Variants in ASTN1 observed in about 807,000 individuals in gnomAD.
ASTN1 encodes the protein astrotactin-1.
A neutral mutation model predicts 140.7 loss-of-function variants in ASTN1; 41 were observed. The observed-to-expected ratio is 0.29, with a 90% CI of 0.23 to 0.38. The LOEUF is 0.38. Ranked by LOEUF, ASTN1 falls within the 10% of genes least tolerant of loss-of-function variation. ASTN1 has a pLI of 1.00. For synonymous variants in ASTN1, 640 were observed against 652.2 expected (o/e 0.98, Z 0.29); for missense variants, 1,479 against 1,678.8 (o/e 0.88, Z 2.08).
chr1:177,079,974 C>T (rs748179533), intron 1 of ASTN1, among the ~76,000 whole-genome samples: 4 of 152,002 alleles, frequency 2.6e-5, no homozygotes, highest in Non-Finnish European at 5.9e-5. Flanking sequence ...ATCACTCTGT[C>T]CAGTATATTT....
intron 1 of ASTN1, among the ~76,000 whole-genome samples, chr1:177,157,502 A>G (rs1206211117): frequency 1.3e-5 from 2 of 152,046 alleles, no homozygotes; most frequent in African/African-American, 2.4e-5. Context: ...TTTTGTAGAG[A>G]TGGGGTTTTG....
chr1:177,046,917 C>T (rs1677259237), intron 2 of ASTN1, among the ~76,000 whole-genome samples: 2 of 152,164 alleles, frequency 1.3e-5, no homozygotes, highest in Non-Finnish European at 1.5e-5. Context: ...CCCAACAGTG[C>T]CACTGACCAG....
chr1:176,863,103 C>G lies in ASTN1; in HGVS notation c.*1181G>C. ...TGGGCAGTGGGATGGAAACAACACT[C>G]TAGATGTTAACTGCAATCAGTGGTG... On this transcript the variant is annotated 3_prime_UTR_variant, in exon 23 of 23. Transcript: ENST00000361833. The G allele has an allele frequency of 1.0e-6, 1 of 985,830 alleles. No individual in the cohort carries two copies. Among genetic ancestry groups the G allele is most frequent in the Non-Finnish European group, 1.2e-6 (1 of 829,922 alleles). The allele number at this position is 985,830 out of a possible 1,614,324, so 61.1% of individuals were successfully genotyped here. A position where few individuals can be genotyped will look rare whatever the true frequency, so the allele number is the denominator to read the frequency against.
intron 9 of ASTN1, among the ~76,000 whole-genome samples, chr1:176,963,040 G>A (rs1444531931): frequency 6.6e-6 from 1 of 152,170 alleles, no homozygotes; most frequent in African/African-American, 2.4e-5. Flanking sequence ...CTAGAGGAAA[G>A]GGTATGAGCA....
Position 176,862,219 on chromosome 1 carries a change from T to C in ASTN1, c.*2065A>G, listed in dbSNP as rs1260033808. 8.1e-6 allele frequency: 8 copies of C among 985,256 alleles called. No individual in the cohort carries two copies. The highest frequency in any genetic ancestry group is 9.6e-6 in the Non-Finnish European group (8 of 829,936). The allele number at this position is 985,256 out of a possible 1,614,324, so 61.0% of individuals were successfully genotyped here. On this transcript the variant is annotated 3_prime_UTR_variant, in exon 23 of 23. Coordinates refer to ENST00000361833, the MANE Select transcript of ASTN1 (RefSeq NM_004319.3). ...TTTCTGCTGATCTTTGCTTTGAAAG[T>C]AGGGGAATCTCTGAGGCAGGTGCAT... is the stretch of plus-strand genomic sequence containing the variant.
chr1:176,883,227 G>A (rs1031327986), intron 19 of ASTN1, among the ~76,000 whole-genome samples: 2 of 149,268 alleles, frequency 1.3e-5, no homozygotes, highest in Non-Finnish European at 3.0e-5. Flanking sequence ...ACACCTGAGA[G>A]CTTCTTTTTT....
intron 2 of ASTN1, among the ~76,000 whole-genome samples, chr1:177,048,431 C>A (rs1350882494): frequency 6.6e-6 from 1 of 152,164 alleles, no homozygotes; most frequent in African/African-American, 2.4e-5. Context: ...TACTTTTTCC[C>A]CCTTAAGGCA....
Position 176,861,899 on chromosome 1 carries a change from G to A in ASTN1, c.*2385C>T, listed in dbSNP as rs979895924. On this transcript the variant is annotated 3_prime_UTR_variant, in exon 23 of 23. Transcript: ENST00000361833. ...TGCCTAAAATAAAAACAGAAGGAGA[G>A]GGTACAGAGGAGTGACTCTGATACC... 3.0e-6 allele frequency: 3 copies of A among 985,130 alleles called. No homozygotes were observed. In the South Asian group the frequency reaches 1.4e-4, roughly 46 times the overall value. The allele number at this position is 985,130 out of a possible 1,614,324, so 61.0% of individuals were successfully genotyped here.
At chr1:177,030,716 G>T in intron 4 of ASTN1, 90 bp downstream of exon 4, 1 of 1,530,562 alleles carries the variant, frequency 6.5e-7, no homozygotes, top group South Asian at 1.2e-5. Flanking sequence ...CTCCAGCCAC[G>T]CATGAGAGAA....
intron 20 of ASTN1, among the ~76,000 whole-genome samples, chr1:176,882,298 A>C (rs1006936597): frequency 2.6e-5 from 4 of 152,212 alleles, no homozygotes; most frequent in Non-Finnish European, 4.4e-5. Flanking sequence ...TTTCCTCAAA[A>C]ATGACTCCTT....
At chr1:177,007,868 C>T (rs228017) in intron 8 of ASTN1, among the ~76,000 whole-genome samples, 90,642 of 152,100 alleles carry the variant, frequency 0.6, 27,829 homozygotes, top group African/African-American at 0.72. Flanking sequence ...AGATGTGCCC[C>T]TTCTCTCAGA....
intron 8 of ASTN1, among the ~76,000 whole-genome samples, chr1:177,004,078 C>T (rs1382696661): frequency 6.6e-6 from 1 of 152,142 alleles, no homozygotes; most frequent in South Asian, 2.1e-4. Context: ...TCTAGAAAAC[C>T]CTAAAATTTC....
At chr1:176,938,995 C>T (rs374809045) in intron 14 of ASTN1, among the ~76,000 whole-genome samples, 1 of 151,930 alleles carries the variant, frequency 6.6e-6, no homozygotes, top group African/African-American at 2.4e-5. Context: ...GCCTGTAGTC[C>T]CAGCTACTAG....
At chr1:177,148,672 A>G (rs982692507) in intron 1 of ASTN1, among the ~76,000 whole-genome samples, 4 of 151,414 alleles carry the variant, frequency 2.6e-5, no homozygotes, top group Admixed American at 2.0e-4. Flanking sequence ...CAGTTTTACA[A>G]GTTATTTTCC....
chr1:177,014,673 C>T, intron 8 of ASTN1, 118 bp downstream of exon 8: 1 of 815,864 alleles, frequency 1.2e-6, no homozygotes, highest in Non-Finnish European at 2.0e-6. Context: ...TACCCATTTG[C>T]TGTTCAGAAT....
intron 2 of ASTN1, among the ~76,000 whole-genome samples, chr1:177,036,960 C>T (rs1676747080): frequency 6.6e-6 from 1 of 152,064 alleles, no homozygotes; most frequent in Non-Finnish European, 1.5e-5. Flanking sequence ...GCTGGGATTA[C>T]AGGCATGCAC....
At chr1:177,049,249 C>G (rs1677409950) in intron 2 of ASTN1, among the ~76,000 whole-genome samples, 1 of 152,098 alleles carries the variant, frequency 6.6e-6, no homozygotes, top group Non-Finnish European at 1.5e-5. Flanking sequence ...CCTATGTGCT[C>G]CTGGTATGGG....
intron 1 of ASTN1, among the ~76,000 whole-genome samples, chr1:177,134,648 C>T (rs984271476): frequency 2.0e-5 from 3 of 152,176 alleles, no homozygotes; most frequent in Non-Finnish European, 4.4e-5. Flanking sequence ...AGAAAAACTC[C>T]TGTGAAAAAC....
intron 1 of ASTN1, among the ~76,000 whole-genome samples, chr1:177,141,317 C>T (rs976573644): frequency 3.9e-5 from 6 of 152,100 alleles, no homozygotes; most frequent in Admixed American, 2.6e-4. Flanking sequence ...CAGGACCTGG[C>T]GTGCAATGAA....
Sources: gnomAD v4.1 joint callset for allele counts (sites outside exome capture counted in the v4.1 genomes callset) on GRCh38, gnomAD v4.1.1 for gene constraint, MANE v1.5 for transcripts, NCBI Gene and HGNC (gene_info 2026-07-23, HGNC 2026-07-21) for gene names.